The following FRMD6 variants were observed in gnomAD, a reference collection of about 807,000 sequenced individuals.
The protein encoded by FRMD6 is FERM domain-containing protein 6.
FRMD6 carries 37 observed loss-of-function variants against 73.2 expected under a neutral mutation model. That is an observed-to-expected ratio of 0.51 (90% confidence interval 0.39 to 0.66). The LOEUF is 0.66. Among genes scored for constraint, FRMD6 ranks in the 30% least tolerant of loss-of-function variants. The pLI is 0.00. For missense variants in FRMD6, 714 were observed against 780.5 expected (o/e 0.91, Z 1.02); for synonymous variants, 273 against 282.2 (o/e 0.97, Z 0.33).
intron 2 of FRMD6, among the ~76,000 whole-genome samples, chr14:51,611,806 A>G (rs2139868208): frequency 6.6e-6 from 1 of 152,348 alleles, no homozygotes; most frequent in African/African-American, 2.4e-5. Context: ...CACTTTATCA[A>G]ACAACTCTAA....
chr14:51,544,320 A>G (rs968356246), intron 1 of FRMD6, among the ~76,000 whole-genome samples: 7 of 151,974 alleles, frequency 4.6e-5, no homozygotes, highest in South Asian at 4.1e-4. Flanking sequence ...CTTATGGAGA[A>G]TTTTTTTCCT....
chr14:51,451,722 G>T, the FRMD6 span, among the ~76,000 whole-genome samples: 5 of 152,166 alleles, frequency 3.3e-5, no homozygotes, highest in African/African-American at 1.2e-4. Context: ...TTGTTTAAAA[G>T]AGCTTGGCAC....
chr14:51,595,875 C>T (rs1337230251), intron 2 of FRMD6, among the ~76,000 whole-genome samples: 1 of 152,078 alleles, frequency 6.6e-6, no homozygotes, highest in Non-Finnish European at 1.5e-5. Context: ...TAATGGTATT[C>T]TAATGTAAAC....
At chr14:51,578,416 G>A (rs1384052699) in intron 2 of FRMD6, among the ~76,000 whole-genome samples, 1 of 152,236 alleles carries the variant, frequency 6.6e-6, no homozygotes, top group African/African-American at 2.4e-5. Context: ...GGATTCCAAA[G>A]TGGTGGGTTT....
intron 1 of FRMD6, among the ~76,000 whole-genome samples, chr14:51,506,875 T>C (rs375213785): frequency 6.6e-6 from 1 of 152,100 alleles, no homozygotes; most frequent in South Asian, 2.1e-4. Flanking sequence ...ATTATTAACA[T>C]GGAAGGATAA....
intron 12 of FRMD6, among the ~76,000 whole-genome samples, chr14:51,724,581 CTAATTATTGAAT>C (rs1445161166): frequency 7.2e-5 from 11 of 152,068 alleles, no homozygotes; most frequent in Admixed American, 3.3e-4. Flanking sequence ...TTCAATTGAA[CTAATTATTGAAT>C]ACTTAATATG....
intron 1 of FRMD6, among the ~76,000 whole-genome samples, chr14:51,514,374 A>C (rs4429212): frequency 0.22 from 33,802 of 151,316 alleles, 4,502 homozygotes; most frequent in African/African-American, 0.35. Context: ...GAGGGAGAGC[A>C]TTAGGACAAA....
In FRMD6 at chr14:51,625,455, CT is replaced by C. The variant is rs531098350; in HGVS notation, c.-147+55055del. 4.2e-4 allele frequency among the ~76,000 whole-genome samples: 36 copies of C among 85,456 alleles called. No homozygotes were observed. The South Asian group carries it at 8.1e-3, about 19-fold the overall frequency. The allele number at this position is 85,456 out of a possible 152,430, so 56.1% of individuals were successfully genotyped here. The stretch of plus-strand genomic sequence containing the variant: ...ATGGCCCTTTTGGGATTCCCCTTAT[CT>C]TTTTTTTTTGTTGTTGTTGTTAATG... On this transcript the variant is annotated intron_variant, in intron 2 of 14. Transcript: ENST00000356218.
At chr14:51,698,314 C>T (rs914718564) in intron 3 of FRMD6, 82 bp downstream of exon 3, 2 of 862,870 alleles carry the variant, frequency 2.3e-6, no homozygotes, top group Non-Finnish European at 3.6e-6. Flanking sequence ...TTAAATTGGG[C>T]CTATTGTTAT....
chr14:51,403,900 G>A, the FRMD6 span, among the ~76,000 whole-genome samples: 1 of 151,998 alleles, frequency 6.6e-6, no homozygotes, highest in Non-Finnish European at 1.5e-5. Flanking sequence ...ATTCTTGCGT[G>A]GGTCTTCTGG....
chr14:51,637,456 TACAC>T (rs1166274234), intron 2 of FRMD6: 3 of 118,678 alleles, frequency 2.5e-5, no homozygotes, highest in Non-Finnish European at 3.5e-5. Context: ...ACATTGTTGA[TACAC>T]ACAGGCACAC....
chr14:51,555,481 T>C (rs1887076116), intron 1 of FRMD6, among the ~76,000 whole-genome samples: 1 of 152,172 alleles, frequency 6.6e-6, no homozygotes. Flanking sequence ...TTTAATTACA[T>C]ACTGATGTAG....
the FRMD6 span, among the ~76,000 whole-genome samples, chr14:51,448,279 C>T: frequency 1.3e-5 from 2 of 152,156 alleles, no homozygotes; most frequent in African/African-American, 4.8e-5. Flanking sequence ...ATGTCTTTAA[C>T]CATTATAGCA....
chr14:51,549,595 C>CTTTTTTTTTTTTTTTTTTTTTTT (rs35356416), intron 1 of FRMD6, among the ~76,000 whole-genome samples: 5 of 98,010 alleles, frequency 5.1e-5, no homozygotes, highest in African/African-American at 1.6e-4. Context: ...TTTTTTCTTT[C>CTTTTTTTTTTTTTTTTTTTTTTT]TTTTTTTTTT....
At chr14:51,403,870 TGAACA>T in the FRMD6 span, among the ~76,000 whole-genome samples, 2 of 152,226 alleles carry the variant, frequency 1.3e-5, no homozygotes, top group Non-Finnish European at 2.9e-5. Context: ...TTGCTATAAC[TGAACA>T]GTGCAGGTAC....
chr14:51,462,601 T>C, the FRMD6 span, among the ~76,000 whole-genome samples: 4 of 152,174 alleles, frequency 2.6e-5, no homozygotes, highest in Admixed American at 2.6e-4. Context: ...TGCTGGATAT[T>C]AGTGTATGTG....
chr14:51,558,279 C>G (rs952847213), intron 1 of FRMD6, among the ~76,000 whole-genome samples: 3 of 151,990 alleles, frequency 2.0e-5, no homozygotes, highest in African/African-American at 2.4e-5. Flanking sequence ...ACCAGCCTGG[C>G]CAACATGGCG....
chr14:51,681,697 G>A (rs925575530), intron 1 of FRMD6, among the ~76,000 whole-genome samples: 2 of 152,130 alleles, frequency 1.3e-5, no homozygotes, highest in Non-Finnish European at 2.9e-5. Flanking sequence ...GACATACACA[G>A]CCACTTACAA....
chr14:51,590,931 C>G (rs1034078579), intron 2 of FRMD6, among the ~76,000 whole-genome samples: 10 of 152,232 alleles, frequency 6.6e-5, no homozygotes, highest in African/African-American at 2.4e-4. Context: ...TCGCAGTCCC[C>G]TGTTGCCTTT....
Sources: gnomAD v4.1 joint callset for allele counts (sites outside exome capture counted in the v4.1 genomes callset) on GRCh38, gnomAD v4.1.1 for gene constraint, MANE v1.5 for transcripts, NCBI Gene and HGNC (gene_info 2026-07-23, HGNC 2026-07-21) for gene names.